Variants in NRG3 observed in about 807,000 individuals in gnomAD.
NRG3 encodes neuregulin 3.
Under a neutral mutation model 66.9 loss-of-function variants are expected in NRG3, and 31 were observed. The ratio of observed to expected loss-of-function variants is 0.46; its 90% CI spans 0.35 to 0.63. NRG3 has a LOEUF of 0.63. Among genes scored for constraint, NRG3 ranks in the 20% least tolerant of loss-of-function variants. NRG3 has a pLI of 0.00. For synonymous variants in NRG3, 393 were observed against 359.4 expected, an observed-to-expected ratio of 1.09 and a Z score of -1.06; for missense variants, 910 against 878.9, an observed-to-expected ratio of 1.04 and a Z score of -0.45.
At chr10:82,012,682 A>G (rs1198957435) in intron 1 of NRG3, among the ~76,000 whole-genome samples, 1 of 152,172 alleles carries the variant, frequency 6.6e-6, no homozygotes, top group East Asian at 1.9e-4. Context: ...CTGCTTAGAA[A>G]TTTCTTCCAC....
intron 3 of NRG3, among the ~76,000 whole-genome samples, chr10:82,853,914 G>T (rs192726077): frequency 6.6e-6 from 1 of 152,134 alleles, no homozygotes; most frequent in African/African-American, 2.4e-5. Flanking sequence ...TCCCCATTCA[G>T]TATGAAGCTG....
chr10:82,348,892 T>C (rs971430401), intron 1 of NRG3, among the ~76,000 whole-genome samples: 1 of 148,122 alleles, frequency 6.8e-6, no homozygotes, highest in Non-Finnish European at 1.5e-5. Flanking sequence ...CTTCACGTAG[T>C]TCTCGAGCCT....
At chr10:82,501,340 G>A (rs767734854) in intron 2 of NRG3, among the ~76,000 whole-genome samples, 4 of 152,052 alleles carry the variant, frequency 2.6e-5, no homozygotes, top group Non-Finnish European at 5.9e-5. Context: ...TTTCAGCACC[G>A]CAACAAGAGC....
At chr10:82,035,816 T>G (rs1417756613) in intron 1 of NRG3, among the ~76,000 whole-genome samples, 1 of 152,134 alleles carries the variant, frequency 6.6e-6, no homozygotes, top group African/African-American at 2.4e-5. Flanking sequence ...ACAAAACAAC[T>G]TTTTGTGAAT....
At chr10:82,035,949 A>G (rs946361362) in intron 1 of NRG3, among the ~76,000 whole-genome samples, 5 of 152,126 alleles carry the variant, frequency 3.3e-5, no homozygotes, top group African/African-American at 1.2e-4. Context: ...CAATATCATG[A>G]GGTCTTACAA....
At chr10:82,948,391 T>C (rs1849218234) in intron 4 of NRG3, among the ~76,000 whole-genome samples, 1 of 152,140 alleles carries the variant, frequency 6.6e-6, no homozygotes, top group African/African-American at 2.4e-5. Context: ...GAACGTTGTT[T>C]TGGCTACTGT....
At chr10:81,986,647 A>G (rs113532550) in intron 1 of NRG3, among the ~76,000 whole-genome samples, 2 of 152,292 alleles carry the variant, frequency 1.3e-5, no homozygotes, top group African/African-American at 4.8e-5. Context: ...TAAGGAAGGG[A>G]AAATATAAAT....
intron 3 of NRG3, among the ~76,000 whole-genome samples, chr10:82,785,002 A>C (rs1018693209): frequency 6.6e-6 from 1 of 152,182 alleles, no homozygotes; most frequent in Non-Finnish European, 1.5e-5. Context: ...TGGCACATAT[A>C]CACCATGGAA....
At chr10:82,398,476 A>G (rs1180929461) in intron 2 of NRG3, among the ~76,000 whole-genome samples, 1 of 150,324 alleles carries the variant, frequency 6.7e-6, no homozygotes, top group Non-Finnish European at 1.5e-5. Flanking sequence ...TCTTCTAGTC[A>G]TCTTGGCTTC....
intron 3 of NRG3, among the ~76,000 whole-genome samples, chr10:82,767,204 C>T (rs1358110962): frequency 6.6e-6 from 1 of 151,940 alleles, no homozygotes; most frequent in African/African-American, 2.4e-5. Flanking sequence ...AGTTATTTCA[C>T]CTTGTCTCCT....
chr10:82,308,570 T>A (rs2080867103), intron 1 of NRG3, among the ~76,000 whole-genome samples: 1 of 152,184 alleles, frequency 6.6e-6, no homozygotes, highest in Non-Finnish European at 1.5e-5. Context: ...TTAACATTGT[T>A]TGTGCTGCAT....
chr10:82,548,176 T>C (rs568365672), intron 2 of NRG3, among the ~76,000 whole-genome samples: 9 of 152,004 alleles, frequency 5.9e-5, no homozygotes, highest in African/African-American at 1.9e-4. Flanking sequence ...TCTAGTAAAA[T>C]TGACCAAGCA....
chr10:82,721,500 G>A (rs2057319708), intron 2 of NRG3, among the ~76,000 whole-genome samples: 1 of 151,370 alleles, frequency 6.6e-6, no homozygotes, highest in Non-Finnish European at 1.5e-5. Context: ...TTGGCTCACT[G>A]CAACCTCCAC....
chr10:82,272,764 A>C (rs1053256214), intron 1 of NRG3, among the ~76,000 whole-genome samples: 1 of 151,950 alleles, frequency 6.6e-6, no homozygotes, highest in African/African-American at 2.4e-5. Flanking sequence ...CTCTTTCCCA[A>C]AGCTATCTTG....
chr10:82,323,132 CT>C (rs1439894153), intron 1 of NRG3, among the ~76,000 whole-genome samples: 1 of 152,204 alleles, frequency 6.6e-6, no homozygotes, highest in Non-Finnish European at 1.5e-5. Context: ...CTTTCAGTCT[CT>C]AAATTATGAC....
At chr10:82,720,014 T>A (rs2057200171) in intron 2 of NRG3, among the ~76,000 whole-genome samples, 1 of 152,208 alleles carries the variant, frequency 6.6e-6, no homozygotes, top group Non-Finnish European at 1.5e-5. Context: ...ATTAAGTGAC[T>A]GTGGGAAATC....
intron 4 of NRG3, among the ~76,000 whole-genome samples, chr10:82,874,033 A>T (rs749588203): frequency 7.9e-5 from 12 of 151,966 alleles, no homozygotes; most frequent in Non-Finnish European, 1.5e-4. Context: ...AGTGTTTTCC[A>T]TATGGAAGGC....
intron 1 of NRG3, among the ~76,000 whole-genome samples, chr10:82,167,294 A>T (rs1443460042): frequency 6.6e-6 from 1 of 152,070 alleles, no homozygotes; most frequent in Admixed American, 6.6e-5. Flanking sequence ...TTACTTGGTA[A>T]GTGTTTCATT....
chr10:82,617,323 GACACACACAC>G (rs148717796), intron 2 of NRG3, among the ~76,000 whole-genome samples: 43 of 140,070 alleles, frequency 3.1e-4, no homozygotes, highest in African/African-American at 1.1e-3. Flanking sequence ...CGCACACATA[GACACACACAC>G]ACACAGACAC....
Sources: allele counts gnomAD v4.1 joint callset (sites outside exome capture counted in the v4.1 genomes callset), GRCh38; gene constraint gnomAD v4.1.1; transcripts MANE v1.5; gene names NCBI Gene and HGNC (gene_info 2026-07-23, HGNC 2026-07-21).